LDB2: variants seen among roughly 807,000 people sequenced by gnomAD.
The protein encoded by LDB2 is LIM domain-binding protein 2.
In LDB2, 12 loss-of-function variants were observed where a neutral mutation model predicts 44.3. The observed-to-expected ratio is 0.27, with a 90% CI of 0.17 to 0.44. The LOEUF is 0.44. Ranked by LOEUF, LDB2 falls within the 20% of genes least tolerant of loss-of-function variation. The probability of loss-of-function intolerance (pLI) is 1.00; values close to 1 mark genes in which losing one functional copy is unlikely to be tolerated. For synonymous variants in LDB2, 164 were observed against 174.8 expected, an observed-to-expected ratio of 0.94 and a Z score of 0.49; for missense variants, 344 against 473.5, an observed-to-expected ratio of 0.73 and a Z score of 2.54.
At chr4:16,557,847 C>G (rs373543276) in intron 5 of LDB2, among the ~76,000 whole-genome samples, 390 of 152,234 alleles carry the variant, frequency 2.6e-3, no homozygotes, top group Non-Finnish European at 4.4e-3. Context: ...CTCACACGGC[C>G]GGGTACTCCT....
At chr4:16,671,961 G>T (rs1254836822) in intron 2 of LDB2, among the ~76,000 whole-genome samples, 1 of 152,168 alleles carries the variant, frequency 6.6e-6, no homozygotes, top group Non-Finnish European at 1.5e-5. Flanking sequence ...ATGCTGCCTG[G>T]AGTCCACTGG....
At chr4:16,650,012 T>C (rs1202720670) in intron 2 of LDB2, among the ~76,000 whole-genome samples, 3 of 152,224 alleles carry the variant, frequency 2.0e-5, no homozygotes, top group Non-Finnish European at 4.4e-5. Flanking sequence ...GGGCGGCTCC[T>C]GGATCTTTCT....
chr4:16,672,525 C>A (rs1407466153), intron 2 of LDB2, among the ~76,000 whole-genome samples: 1 of 152,112 alleles, frequency 6.6e-6, no homozygotes, highest in African/African-American at 2.4e-5. Context: ...GTTCTAGTTT[C>A]TTTTTTAAAC....
chr4:16,699,387 T>C (rs939912891), intron 2 of LDB2, among the ~76,000 whole-genome samples: 3 of 152,318 alleles, frequency 2.0e-5, no homozygotes, highest in Admixed American at 6.5e-5. Flanking sequence ...CATTCCCTGA[T>C]GATATTGTCA....
chr4:16,873,464 G>A (rs1269106864), intron 1 of LDB2, among the ~76,000 whole-genome samples: 4 of 151,898 alleles, frequency 2.6e-5, no homozygotes, highest in East Asian at 1.9e-4. Flanking sequence ...TAACCTTGAC[G>A]GTGTTAATGG....
intron 1 of LDB2, among the ~76,000 whole-genome samples, chr4:16,801,947 T>C (rs1777910912): frequency 6.6e-6 from 1 of 152,234 alleles, no homozygotes. Context: ...CAGAATCCTC[T>C]AACTCCTGAG....
intron 1 of LDB2, among the ~76,000 whole-genome samples, chr4:16,771,012 C>A (rs896306487): frequency 1.3e-5 from 2 of 152,132 alleles, no homozygotes; most frequent in African/African-American, 2.4e-5. Flanking sequence ...AAATCAGGCA[C>A]AAATTTTCCA....
chr4:16,594,187 A>G (rs532730253), intron 3 of LDB2, among the ~76,000 whole-genome samples: 25 of 152,134 alleles, frequency 1.6e-4, no homozygotes, highest in Admixed American at 7.9e-4. Context: ...AAAAAAACCA[A>G]TAATGAAGGA....
At chr4:16,610,951 AG>A (rs1312053261) in intron 2 of LDB2, among the ~76,000 whole-genome samples, 1 of 152,214 alleles carries the variant, frequency 6.6e-6, no homozygotes, top group East Asian at 1.9e-4. Context: ...AAAACTGTTA[AG>A]GGCAGCCAGA....
At chr4:16,693,267 G>C (rs1751233332) in intron 2 of LDB2, among the ~76,000 whole-genome samples, 1 of 151,924 alleles carries the variant, frequency 6.6e-6, no homozygotes, top group African/African-American at 2.4e-5. Context: ...AGAAGAGCCA[G>C]GCAACTGTCA....
At chr4:16,804,494 T>G (rs1036931597) in intron 1 of LDB2, among the ~76,000 whole-genome samples, 4 of 152,198 alleles carry the variant, frequency 2.6e-5, no homozygotes, top group Admixed American at 2.6e-4. Flanking sequence ...TTGTGTTTGA[T>G]TTGTGCAACA....
chr4:16,847,766 G>A (rs1441521002), intron 1 of LDB2, among the ~76,000 whole-genome samples: 3 of 152,244 alleles, frequency 2.0e-5, no homozygotes, highest in Non-Finnish European at 2.9e-5. Context: ...ACAGGCGCCC[G>A]CCACAGTGCC....
At chr4:16,757,003 C>A (rs1363319833) in intron 2 of LDB2, among the ~76,000 whole-genome samples, 1 of 151,036 alleles carries the variant, frequency 6.6e-6, no homozygotes, top group Non-Finnish European at 1.5e-5. Context: ...ATCTTATTTT[C>A]CTCATCAGAA....
intron 2 of LDB2, among the ~76,000 whole-genome samples, chr4:16,708,971 C>T (rs990159996): frequency 9.9e-5 from 15 of 152,142 alleles, no homozygotes; most frequent in Admixed American, 9.8e-4. Flanking sequence ...ACTTTGGATG[C>T]AGAAGGTGTC....
intron 1 of LDB2, among the ~76,000 whole-genome samples, chr4:16,890,075 G>A (rs1024550142): frequency 1.3e-5 from 2 of 152,132 alleles, no homozygotes; most frequent in East Asian, 1.9e-4. Flanking sequence ...CCATATATTC[G>A]GTGTTCCCTG....
intron 1 of LDB2, among the ~76,000 whole-genome samples, chr4:16,895,660 C>A (rs775971933): frequency 5.9e-5 from 9 of 151,982 alleles, no homozygotes; most frequent in Non-Finnish European, 1.2e-4. Context: ...ATGGGTGAGT[C>A]AGTCTTGCCC....
chr4:16,510,847 TTGAA>T (rs1406070803), intron 6 of LDB2, among the ~76,000 whole-genome samples: 4 of 152,186 alleles, frequency 2.6e-5, no homozygotes, highest in Non-Finnish European at 5.9e-5. Flanking sequence ...TAAATAATTA[TTGAA>T]TGAATGAAGG....
intron 1 of LDB2, among the ~76,000 whole-genome samples, chr4:16,864,944 T>C (rs1382766272): frequency 6.7e-6 from 1 of 148,552 alleles, no homozygotes; most frequent in African/African-American, 2.5e-5. Context: ...AGAACAAAAA[T>C]AGTCCATACC....
intron 1 of LDB2, among the ~76,000 whole-genome samples, chr4:16,894,210 T>C (rs568236246): frequency 2.0e-5 from 3 of 152,300 alleles, no homozygotes; most frequent in South Asian, 4.1e-4. Context: ...TCTTCCAAAA[T>C]ACATTTGGCA....
Sources: allele counts gnomAD v4.1 joint callset (sites outside exome capture counted in the v4.1 genomes callset), GRCh38; gene constraint gnomAD v4.1.1; transcripts MANE v1.5; gene names NCBI Gene and HGNC (gene_info 2026-07-23, HGNC 2026-07-21).